GRM7: variants seen among roughly 807,000 people sequenced by gnomAD.
GRM7 encodes the protein metabotropic glutamate receptor 7.
In GRM7, 35 loss-of-function variants were observed where a neutral mutation model predicts 84.5. That is an observed-to-expected ratio of 0.41 (90% CI 0.32 to 0.55). The LOEUF (loss-of-function observed/expected upper bound fraction) is 0.55, where lower values mean the gene tolerates loss of function less well. Ranked by LOEUF, GRM7 falls within the 20% of genes least tolerant of loss-of-function variation. The pLI is 0.19. For missense variants in GRM7, 1,003 were observed against 1,194.6 expected (o/e 0.84, Z 2.36); for synonymous variants, 487 against 455.1 (o/e 1.07, Z -0.89).
At chr3:6,883,972 A>G (rs2124968265) in intron 1 of GRM7, among the ~76,000 whole-genome samples, 1 of 152,358 alleles carries the variant, frequency 6.6e-6, no homozygotes, top group East Asian at 1.9e-4. Flanking sequence ...CTCCCCCTAT[A>G]GCCATTAAAG....
chr3:7,294,696 C>T (rs1699755511), intron 2 of GRM7, among the ~76,000 whole-genome samples: 1 of 152,152 alleles, frequency 6.6e-6, no homozygotes, highest in Admixed American at 6.6e-5. Flanking sequence ...AGCAGTTTCA[C>T]CTAGAGCAGC....
intron 1 of GRM7, among the ~76,000 whole-genome samples, chr3:6,872,472 T>C (rs901701526): frequency 6.6e-6 from 1 of 152,148 alleles, no homozygotes; most frequent in Non-Finnish European, 1.5e-5. Context: ...GTTGTATTTT[T>C]TTTAATTTTA....
intron 6 of GRM7, among the ~76,000 whole-genome samples, chr3:7,460,930 G>T (rs944837377): frequency 2.0e-5 from 3 of 152,124 alleles, no homozygotes; most frequent in African/African-American, 7.2e-5. Flanking sequence ...CAGAATAATT[G>T]GTTGTGTCTT....
At position 7,476,710 on chromosome 3, in the gene GRM7, C is replaced by T. The variant is rs191654079; in HGVS notation, c.1515+14988C>T. On this transcript the variant is annotated intron_variant, in intron 7 of 9. Transcript: ENST00000357716. ...ACTTCACACCAGTTTTCCCTCCTTC[C>T]AGAATCAGATGGCCATTCCCAGCTC... Among the ~76,000 whole-genome samples the T allele has an allele frequency of 3.5e-3, 535 of 152,278 alleles. 2 individuals are homozygous for T. The highest frequency in any genetic ancestry group is 0.012 in the African/African-American group (518 of 41,566).
intron 1 of GRM7, among the ~76,000 whole-genome samples, chr3:6,995,937 C>T (rs1694810764): frequency 6.6e-6 from 1 of 152,110 alleles, no homozygotes. Flanking sequence ...CTGTACACTA[C>T]TGATTTTCTA....
intron 2 of GRM7, among the ~76,000 whole-genome samples, chr3:7,292,759 G>A (rs1259258454): frequency 6.6e-6 from 1 of 150,400 alleles, no homozygotes; most frequent in Non-Finnish European, 1.5e-5. Context: ...GGCTGGACGC[G>A]GTGGCTCACG....
intron 1 of GRM7, among the ~76,000 whole-genome samples, chr3:7,131,881 C>T (rs1693613384): frequency 6.6e-6 from 1 of 152,154 alleles, no homozygotes; most frequent in South Asian, 2.1e-4. Flanking sequence ...TATTTTATCA[C>T]CTTGCCACAT....
intron 8 of GRM7, among the ~76,000 whole-genome samples, chr3:7,598,862 C>G (rs1349023031): frequency 6.6e-6 from 1 of 152,118 alleles, no homozygotes; most frequent in African/African-American, 2.4e-5. Flanking sequence ...GATGACTTGA[C>G]ACATGAATTT....
intron 7 of GRM7, among the ~76,000 whole-genome samples, chr3:7,499,279 C>T (rs1699806188): frequency 1.3e-5 from 2 of 152,178 alleles, no homozygotes; most frequent in Admixed American, 1.3e-4. Flanking sequence ...CCTTTCCTAA[C>T]CTAGCCTTGG....
At chr3:7,396,352 A>G (rs1015640718) in intron 4 of GRM7, among the ~76,000 whole-genome samples, 6 of 152,224 alleles carry the variant, frequency 3.9e-5, no homozygotes, top group Admixed American at 3.9e-4. Flanking sequence ...AAAAAAAAGT[A>G]TCCCTTTAAC....
In GRM7 at chr3:7,655,280, C is replaced by A. The variant is rs555290724; in HGVS notation, c.2452-24769C>A. ...ACAATTTCTTGCAAAATCTTCAAAG[C>A]TAGAAAGAGCAACTTTGTATTGGCC... On this transcript the variant is annotated intron_variant, in intron 8 of 9. Coordinates refer to ENST00000357716, the MANE Select transcript of GRM7 (RefSeq NM_000844.4). 2.0e-5 allele frequency among the ~76,000 whole-genome samples: 3 copies of A among 152,316 alleles called. No individual in the cohort carries two copies. The East Asian group carries it at 5.8e-4, about 29-fold the overall frequency.
At chr3:7,711,804 A>G (rs182492109) in intron 9 of GRM7, among the ~76,000 whole-genome samples, 4 of 152,350 alleles carry the variant, frequency 2.6e-5, no homozygotes, top group Admixed American at 2.6e-4. Flanking sequence ...TGAAGAGCAG[A>G]AACTGACAAG....
At chr3:7,095,220 G>A (rs1207426037) in intron 1 of GRM7, among the ~76,000 whole-genome samples, 3 of 152,084 alleles carry the variant, frequency 2.0e-5, no homozygotes, top group East Asian at 1.9e-4. Context: ...TGAAAAGAAG[G>A]TAAATAGCTT....
At chr3:6,910,204 G>T (rs938210531) in intron 1 of GRM7, among the ~76,000 whole-genome samples, 2 of 152,118 alleles carry the variant, frequency 1.3e-5, no homozygotes, top group Admixed American at 1.3e-4. Context: ...ACATTGAGTA[G>T]ACTCATCACT....
At chr3:7,701,525 G>A (rs779222296) in intron 9 of GRM7, among the ~76,000 whole-genome samples, 1 of 151,954 alleles carries the variant, frequency 6.6e-6, no homozygotes, top group Non-Finnish European at 1.5e-5. Flanking sequence ...GGATGGTCTC[G>A]ATCTCCTGAC....
rs1230152942 is a variant in GRM7 at position 7,494,604 on chromosome 3, T to C, written c.1515+32882T>C. Among the ~76,000 whole-genome samples, 3 of 152,162 alleles carry C rather than the reference T, an allele frequency of 2.0e-5. No individual in the cohort carries two copies. In the East Asian group the frequency reaches 5.8e-4, roughly 29 times the overall value. On this transcript the variant is annotated intron_variant, in intron 7 of 9. Transcript: ENST00000357716. Reference sequence around the variant, plus strand: ...CTGATAATACAAATATTGAATCTTTTGTTATTACACAGGTGACTGAAGCTC... The same window carrying C: ...CTGATAATACAAATATTGAATCTTTCGTTATTACACAGGTGACTGAAGCTC...
intron 1 of GRM7, among the ~76,000 whole-genome samples, chr3:6,909,460 C>T (rs1696692805): frequency 6.6e-6 from 1 of 152,102 alleles, no homozygotes; most frequent in Non-Finnish European, 1.5e-5. Context: ...TCAGGACAGA[C>T]CTGAGACCTT....
intron 1 of GRM7, among the ~76,000 whole-genome samples, chr3:6,927,827 T>C (rs1478077327): frequency 6.6e-6 from 1 of 152,200 alleles, no homozygotes; most frequent in Non-Finnish European, 1.5e-5. Flanking sequence ...TATTCCAATA[T>C]ATGGGGTCAC....
At chr3:7,337,964 A>G (rs766541222) in intron 4 of GRM7, among the ~76,000 whole-genome samples, 50 of 152,032 alleles carry the variant, frequency 3.3e-4, no homozygotes, top group Admixed American at 3.3e-4. Flanking sequence ...TGTTTATAGT[A>G]GCAAAATTCA....
Sources: allele counts gnomAD v4.1 joint callset (sites outside exome capture counted in the v4.1 genomes callset), GRCh38; gene constraint gnomAD v4.1.1; transcripts MANE v1.5; gene names NCBI Gene and HGNC (gene_info 2026-07-23, HGNC 2026-07-21).